TNNT3: variants seen among roughly 807,000 people sequenced by gnomAD.
The protein encoded by TNNT3 is troponin T, fast skeletal muscle.
Under a neutral mutation model 54.2 loss-of-function variants are expected in TNNT3, and 36 were observed. The observed-to-expected ratio is 0.66, with a 90% CI of 0.51 to 0.88. TNNT3 has a LOEUF of 0.88. Among genes scored for constraint, TNNT3 ranks in the 40% least tolerant of loss-of-function variants. The pLI is 0.00. For synonymous variants in TNNT3, 120 were observed against 109.7 expected, an observed-to-expected ratio of 1.09 and a Z score of -0.59; for missense variants, 291 against 331.6, an observed-to-expected ratio of 0.88 and a Z score of 0.95.
chr11:1,925,907 T>G (rs189934299), intron 5 of TNNT3, among the ~76,000 whole-genome samples: 3 of 152,138 alleles, frequency 2.0e-5, no homozygotes, highest in Admixed American at 6.5e-5. Context: ...CCAGCACCCT[T>G]GGAGGGTGGA....
intron 8 of TNNT3, among the ~76,000 whole-genome samples, chr11:1,930,621 G>A (rs1477256520): frequency 6.6e-6 from 1 of 152,176 alleles, no homozygotes; most frequent in African/African-American, 2.4e-5. Context: ...GCTCTTGCCT[G>A]TGTGTTGCTC....
chr11:1,923,472 A>T, intron 3 of TNNT3, 83 bp from the exon 4 acceptor site: 1 of 1,468,064 alleles, frequency 6.8e-7, no homozygotes, highest in Non-Finnish European at 9.5e-7. Context: ...CAGGGCCGGG[A>T]CACACTGGCC....
rs1589879184 is a variant in TNNT3 at position 1,922,896 on chromosome 11, G to A, written c.17+5G>A. ...CACCATGTCTGACGAGGAAGTGTGA[G>A]TACCCAGCTGGTGGCTGCCCCCTGC... On this transcript the variant is annotated splice_donor_5th_base_variant and intron_variant, in intron 2 of 15. Transcript: ENST00000278317. The A allele has an allele frequency of 2.5e-6, 4 of 1,613,688 alleles. No individual in the cohort carries two copies. Among genetic ancestry groups the A allele is most frequent in the Admixed American group, 1.7e-5 (1 of 60,024 alleles).
At chr11:1,922,820 CCTCTCTCT>C (rs140086507) in intron 1 of TNNT3, 29 bp from the exon 2 acceptor site, 6 of 1,465,300 alleles carry the variant, frequency 4.1e-6, no homozygotes, top group Non-Finnish European at 5.7e-6. Flanking sequence ...CTCTTTCCAT[CCTCTCTCT>C]CTCTCTCTCT....
At chr11:1,929,064 G>A (rs1374089367) in intron 6 of TNNT3, 56 bp from the exon 7 acceptor site, 10 of 1,607,616 alleles carry the variant, frequency 6.2e-6, no homozygotes, top group East Asian at 4.5e-5. Context: ...CTGCTCCCCC[G>A]CAGCCGCACT....
At chr11:1,924,685 T>C (rs992317558) in intron 4 of TNNT3, among the ~76,000 whole-genome samples, 46 of 152,276 alleles carry the variant, frequency 3.0e-4, no homozygotes, top group African/African-American at 1.1e-3. Context: ...CCAGCCTTGT[T>C]TCCGGGTGCA....
intron 5 of TNNT3, chr11:1,925,409 G>C: frequency 3.0e-6 from 3 of 1,002,016 alleles, no homozygotes; most frequent in Non-Finnish European, 4.6e-6. Context: ...CCCACATGTG[G>C]CCCTAATGTA....
intron 6 of TNNT3, chr11:1,928,880 T>A: frequency 1.2e-5 from 7 of 562,002 alleles, no homozygotes; most frequent in East Asian, 3.2e-5. Context: ...TATTCTCCAC[T>A]AGGTCTTCCA....
chr11:1,925,430 C>A (rs566261128), intron 5 of TNNT3: 2 of 805,636 alleles, frequency 2.5e-6, no homozygotes, highest in Non-Finnish European at 4.1e-6. Context: ...ACCCACTAAC[C>A]GCGGCCAATG....
rs537612144 is a variant in TNNT3, at chr11:1,936,551, G to A, written c.682-412G>A. 1.3e-4 allele frequency among the ~76,000 whole-genome samples: 20 copies of A among 152,320 alleles called. No homozygotes were observed. In the South Asian group the frequency reaches 4.1e-3, roughly 32 times the overall value. On this transcript the variant is annotated intron_variant, in intron 14 of 15. Transcript: ENST00000278317. ...GGCGGGAGCGGCTGGCCCAGGAGCA[G>A]CAGGGCCGTTCGGAGCTCTGAGCTC...
chr11:1,934,810 ACCACTTCCTCT>A lies in TNNT3; in HGVS notation c.591-18_591-8del, dbSNP rs1854490680. 1 of 1,612,078 alleles carries A rather than the reference ACCACTTCCTCT, an allele frequency of 6.2e-7. No individual in the cohort carries two copies. The highest frequency in any genetic ancestry group is 1.7e-5 in the Admixed American group (1 of 60,006). ...TTTGGGGCTTATTCAACGAAGCCTC[ACCACTTCCTCT>A]GCCCCAGGGACAAGGCCAAGGAGCT... is the stretch of plus-strand genomic sequence containing the variant. On this transcript the variant is annotated splice_region_variant and splice_polypyrimidine_tract_variant and intron_variant, in intron 13 of 15. Transcript: ENST00000278317.
chr11:1,930,085 G>A (rs561029272), intron 8 of TNNT3, among the ~76,000 whole-genome samples: 1 of 152,318 alleles, frequency 6.6e-6, no homozygotes, highest in South Asian at 2.1e-4. Context: ...GGGTCACCTG[G>A]GAGATGGGCT....
chr11:1,932,105 C>T (rs1367195191), intron 8 of TNNT3, among the ~76,000 whole-genome samples: 1 of 152,226 alleles, frequency 6.6e-6, no homozygotes, highest in Non-Finnish European at 1.5e-5. Flanking sequence ...GCCACCGCCA[C>T]CCACAGTGGC....
In TNNT3 at chr11:1,929,009, G is replaced by A. The variant is rs577766228; in HGVS notation, c.83-111G>A. Reference sequence around the variant, plus strand: ...GCACACCCTGGAGAAGAGAGTGTCCGAGTGAGAGGGGTGGGCCCCTTGCCC... The same window carrying A: ...GCACACCCTGGAGAAGAGAGTGTCCAAGTGAGAGGGGTGGGCCCCTTGCCC... On this transcript the variant is annotated intron_variant, in intron 6 of 15. Coordinates refer to ENST00000278317, the MANE Select transcript of TNNT3 (RefSeq NM_006757.4). 60 of 1,250,334 alleles carry A rather than the reference G, an allele frequency of 4.8e-5. No individual in the cohort carries two copies. In the East Asian group the frequency reaches 5.8e-4, roughly 12 times the overall value. The allele number at this position is 1,250,334 out of a possible 1,614,324, so 77.5% of individuals were successfully genotyped here.
rs200958750 is a variant in TNNT3 at position 1,933,845 on chromosome 11, G to C, written c.288+8G>C. 5.6e-6 allele frequency: 9 copies of C among 1,612,238 alleles called. No individual in the cohort carries two copies. Among genetic ancestry groups the C allele is most frequent in the Non-Finnish European group, 7.6e-6 (9 of 1,179,494 alleles). ...GCTCTCAAAGAGAGAATCGTGAGTG[G>C]GGCAGTTCAGGTTGCAGCAGGGGCT... is the stretch of plus-strand genomic sequence containing the variant. On this transcript the variant is annotated splice_region_variant and intron_variant, in intron 10 of 15. Transcript: ENST00000278317.
intron 1 of TNNT3, 127 bp from the exon 2 acceptor site, chr11:1,922,730 C>T (rs554542150): frequency 3.4e-6 from 3 of 889,522 alleles, no homozygotes; most frequent in South Asian, 2.8e-5. Flanking sequence ...CCAGAGCTGG[C>T]CCCCAAACCC....
intron 15 of TNNT3, among the ~76,000 whole-genome samples, chr11:1,937,466 A>G (rs1055334923): frequency 2.0e-5 from 3 of 151,498 alleles, no homozygotes; most frequent in South Asian, 2.1e-4. Flanking sequence ...AAAATCATGG[A>G]CTCCTCAGGA....
chr11:1,930,909 G>A lies in TNNT3; in HGVS notation c.125+1081G>A, dbSNP rs565630773. ...TATAAAAGTCAAATGAAGAAAAAAC[G>A]TCATCTATAATTCTCCCACCCAGCC... On this transcript the variant is annotated intron_variant, in intron 8 of 15. Transcript: ENST00000278317. Among the ~76,000 whole-genome samples the A allele has an allele frequency of 7.2e-5, 11 of 152,150 alleles. No individual in the cohort carries two copies. In the South Asian group the frequency reaches 1.5e-3, roughly 20 times the overall value.
chr11:1,926,868 A>G (rs1851763168), intron 6 of TNNT3, among the ~76,000 whole-genome samples, 159 bp downstream of exon 6: 1 of 152,142 alleles, frequency 6.6e-6, no homozygotes, highest in African/African-American at 2.4e-5. Flanking sequence ...CTGGCTTGGG[A>G]AGGGCTGGCC....
Sources: allele counts gnomAD v4.1 joint callset (sites outside exome capture counted in the v4.1 genomes callset), GRCh38; gene constraint gnomAD v4.1.1; transcripts MANE v1.5; gene names NCBI Gene and HGNC (gene_info 2026-07-23, HGNC 2026-07-21).